SGCZ: variants seen among roughly 807,000 people sequenced by gnomAD.
SGCZ encodes sarcoglycan zeta, also known as zeta-sarcoglycan.
A neutral mutation model predicts 41.3 loss-of-function variants in SGCZ; 40 were observed. The observed-to-expected ratio is 0.97, with a 90% CI of 0.75 to 1.26. SGCZ has a LOEUF of 1.26. Among genes scored for constraint, SGCZ ranks in the 50% most tolerant of loss-of-function variants. SGCZ has a pLI of 0.00. For missense variants in SGCZ, 552 were observed against 369.8 expected, an observed-to-expected ratio of 1.49 and a Z score of -4.04; for synonymous variants, 206 against 137.5, an observed-to-expected ratio of 1.50 and a Z score of -3.49.
chr8:15,234,890 AAAACTAAGCT>A (rs138088138), intron 1 of SGCZ, among the ~76,000 whole-genome samples: 3,313 of 152,294 alleles, frequency 0.022, 116 homozygotes, highest in African/African-American at 0.073. Context: ...CTGATCATCT[AAAACTAAGCT>A]AAACTATATT....
At chr8:14,924,323 A>T (rs1189562481) in intron 1 of SGCZ, among the ~76,000 whole-genome samples, 1 of 152,180 alleles carries the variant, frequency 6.6e-6, no homozygotes, top group Non-Finnish European at 1.5e-5. Flanking sequence ...TTTGTCAATT[A>T]CTTTGTAGAC....
chr8:14,917,892 C>T (rs995110257), intron 1 of SGCZ, among the ~76,000 whole-genome samples: 4 of 152,066 alleles, frequency 2.6e-5, no homozygotes, highest in African/African-American at 9.7e-5. Context: ...TGACTTTTAA[C>T]CTTTCAGACT....
At chr8:14,835,581 G>A (rs1382205206) in intron 1 of SGCZ, among the ~76,000 whole-genome samples, 3 of 152,154 alleles carry the variant, frequency 2.0e-5, no homozygotes, top group African/African-American at 7.2e-5. Flanking sequence ...TAATGAGAGT[G>A]TTAAATAAGG....
At chr8:14,428,348 T>C (rs984303152) in intron 2 of SGCZ, among the ~76,000 whole-genome samples, 1 of 152,124 alleles carries the variant, frequency 6.6e-6, no homozygotes, top group African/African-American at 2.4e-5. Flanking sequence ...TTCAATTGCT[T>C]TTCAACTCAG....
At chr8:15,170,674 A>C (rs1799801229) in intron 1 of SGCZ, among the ~76,000 whole-genome samples, 1 of 152,346 alleles carries the variant, frequency 6.6e-6, no homozygotes, top group African/African-American at 2.4e-5. Flanking sequence ...TTCAAAAGCA[A>C]ATAGAAAAGT....
intron 1 of SGCZ, among the ~76,000 whole-genome samples, chr8:14,915,376 G>A (rs553003490): frequency 6.6e-6 from 1 of 152,046 alleles, no homozygotes; most frequent in Non-Finnish European, 1.5e-5. Flanking sequence ...AGGAGTCCTC[G>A]GTAAGACTTT....
chr8:14,931,491 G>A (rs985968915), intron 1 of SGCZ, among the ~76,000 whole-genome samples: 1 of 151,852 alleles, frequency 6.6e-6, no homozygotes, highest in African/African-American at 2.4e-5. Flanking sequence ...TCTCATTAGT[G>A]CCACTGATAA....
intron 6 of SGCZ, among the ~76,000 whole-genome samples, chr8:14,103,673 C>CAACTT (rs1802106826): frequency 6.6e-6 from 1 of 151,962 alleles, no homozygotes; most frequent in East Asian, 1.9e-4. Flanking sequence ...CTCACCAAAG[C>CAACTT]AACTTAAAAA....
At chr8:14,567,648 G>C (rs982891067) in intron 1 of SGCZ, among the ~76,000 whole-genome samples, 9 of 152,236 alleles carry the variant, frequency 5.9e-5, no homozygotes, top group Admixed American at 5.9e-4. Flanking sequence ...ACAGTGTGGA[G>C]GGTTTGTTCT....
intron 1 of SGCZ, among the ~76,000 whole-genome samples, chr8:15,044,205 C>G (rs147737633): frequency 2.6e-5 from 4 of 152,230 alleles, no homozygotes; most frequent in African/African-American, 9.6e-5. Context: ...TCATAGGCTA[C>G]AAAACCTCAC....
At chr8:14,727,714 G>T (rs1425263338) in intron 1 of SGCZ, among the ~76,000 whole-genome samples, 1 of 151,892 alleles carries the variant, frequency 6.6e-6, no homozygotes. Context: ...GGGTTGCACC[G>T]TGTCAGCCAG....
chr8:14,326,809 G>C (rs747312839), intron 2 of SGCZ, among the ~76,000 whole-genome samples: 1 of 152,110 alleles, frequency 6.6e-6, no homozygotes, highest in Non-Finnish European at 1.5e-5. Context: ...AAAATAAAAA[G>C]TGGCTCAGAT....
chr8:15,133,054 G>C (rs1026909861), intron 1 of SGCZ, among the ~76,000 whole-genome samples: 2 of 152,054 alleles, frequency 1.3e-5, no homozygotes, highest in East Asian at 1.9e-4. Context: ...GAGGTAGGAG[G>C]ATGGCTTCAG....
chr8:14,209,149 T>C (rs1460696936), intron 4 of SGCZ, among the ~76,000 whole-genome samples: 7 of 152,188 alleles, frequency 4.6e-5, no homozygotes, highest in Non-Finnish European at 1.5e-5. Flanking sequence ...ATTTGCATAT[T>C]AGTGCGGGGT....
At chr8:15,211,226 T>C (rs1476543940) in intron 1 of SGCZ, among the ~76,000 whole-genome samples, 1 of 151,752 alleles carries the variant, frequency 6.6e-6, no homozygotes, top group East Asian at 1.9e-4. Context: ...CATACTCACA[T>C]ACTTCAAGTT....
At chr8:14,581,321 G>A (rs1804880906) in intron 1 of SGCZ, among the ~76,000 whole-genome samples, 1 of 152,052 alleles carries the variant, frequency 6.6e-6, no homozygotes, top group Non-Finnish European at 1.5e-5. Context: ...TAGCCAGGCT[G>A]GTCTCGACCT....
chr8:14,269,117 A>AT (rs980352054), intron 3 of SGCZ, among the ~76,000 whole-genome samples: 1 of 152,020 alleles, frequency 6.6e-6, no homozygotes, highest in Non-Finnish European at 1.5e-5. Context: ...ATAGTCATAA[A>AT]TTTTTTTATT....
intron 4 of SGCZ, among the ~76,000 whole-genome samples, chr8:14,171,149 TAAAAA>T (rs3068453): frequency 7.1e-6 from 1 of 140,212 alleles, no homozygotes; most frequent in Admixed American, 7.1e-5. Context: ...TGTGTTTCAT[TAAAAA>T]AAAAAAAAAA....
At chr8:14,904,469 T>C (rs1300749666) in intron 1 of SGCZ, among the ~76,000 whole-genome samples, 1 of 152,090 alleles carries the variant, frequency 6.6e-6, no homozygotes, top group African/African-American at 2.4e-5. Context: ...TTTACCTTTA[T>C]GTAAACTAGA....
Sources: allele counts gnomAD v4.1 joint callset (sites outside exome capture counted in the v4.1 genomes callset), GRCh38; gene constraint gnomAD v4.1.1; transcripts MANE v1.5; gene names NCBI Gene and HGNC (gene_info 2026-07-23, HGNC 2026-07-21).